ROBO2: variants seen among roughly 807,000 people sequenced by gnomAD.
The protein encoded by ROBO2 is roundabout guidance receptor 2.
ROBO2 carries 53 observed loss-of-function variants against 160.8 expected under a neutral mutation model. That is an observed-to-expected ratio of 0.33 (90% confidence interval 0.26 to 0.41). The LOEUF is 0.41. Ranked by LOEUF, ROBO2 falls within the 10% of genes least tolerant of loss-of-function variation. The probability of loss-of-function intolerance (pLI) is 1.00; values close to 1 mark genes in which losing one functional copy is unlikely to be tolerated. For synonymous variants in ROBO2, 664 were observed against 611.7 expected, an observed-to-expected ratio of 1.09 and a Z score of -1.26; for missense variants, 1,577 against 1,722.4, an observed-to-expected ratio of 0.92 and a Z score of 1.49.
At position 76,133,618 on chromosome 3, in the gene ROBO2, G is replaced by A. The variant is rs1030950820; in HGVS notation, c.109+196016G>A. On this transcript the variant is annotated intron_variant, in intron 2 of 26. Coordinates refer to the ROBO2 transcript ENST00000487694. ...ACAGTGCAGCCTTCAGTGTGTGGCC[G>A]AAGACCCGACAGCCTCTGGCAAATC... Among the ~76,000 whole-genome samples the A allele has an allele frequency of 5.3e-5, 8 of 152,156 alleles. No homozygotes were observed. In the East Asian group the frequency reaches 1.2e-3, roughly 22 times the overall value.
intron 2 of ROBO2, among the ~76,000 whole-genome samples, chr3:76,202,863 G>A (rs1284219514): frequency 1.3e-5 from 2 of 151,218 alleles, no homozygotes; most frequent in African/African-American, 4.9e-5. Context: ...AAGTCTACCA[G>A]TTGACTTGTT....
intron 2 of ROBO2, chr3:75,964,947 A>T (rs563840661): frequency 6.6e-6 from 1 of 151,344 alleles, no homozygotes; most frequent in Non-Finnish European, 1.5e-5. Flanking sequence ...CCAACTGTCA[A>T]TTTATTTATT....
At chr3:77,010,466 T>C (rs1466293219) in intron 2 of ROBO2, among the ~76,000 whole-genome samples, 2 of 152,168 alleles carry the variant, frequency 1.3e-5, no homozygotes, top group African/African-American at 4.8e-5. Context: ...GCCACCTCTT[T>C]ATAAATGACC....
chr3:77,454,385 G>A (rs1036623760), intron 2 of ROBO2, among the ~76,000 whole-genome samples: 16 of 152,048 alleles, frequency 1.1e-4, no homozygotes, highest in African/African-American at 3.4e-4. Context: ...AGTCATATAG[G>A]TCATGCCCTT....
intron 2 of ROBO2, among the ~76,000 whole-genome samples, chr3:77,384,566 A>G (rs1457266691): frequency 6.6e-6 from 1 of 152,182 alleles, no homozygotes; most frequent in Non-Finnish European, 1.5e-5. Flanking sequence ...TGAGAAGATT[A>G]TGTGTGGCTT....
intron 2 of ROBO2, among the ~76,000 whole-genome samples, chr3:76,513,487 G>C (rs576087652): frequency 1.4e-4 from 22 of 152,298 alleles, no homozygotes; most frequent in Admixed American, 1.1e-3. Flanking sequence ...CCCCTGAGCA[G>C]CTGGTCTACA....
intron 1 of ROBO2, among the ~76,000 whole-genome samples, chr3:77,075,382 T>C (rs185217634): frequency 8.8e-4 from 134 of 152,218 alleles, no homozygotes; most frequent in African/African-American, 3.1e-3. Context: ...AGTAATGTGT[T>C]CCCTCTGTCA....
intron 2 of ROBO2, among the ~76,000 whole-genome samples, chr3:75,977,707 A>T (rs1287285052): frequency 6.6e-6 from 1 of 151,522 alleles, no homozygotes; most frequent in African/African-American, 2.4e-5. Context: ...ATTGATACAT[A>T]CACATCAGCA....
At chr3:77,550,475 A>G (rs2092877494) in intron 7 of ROBO2, among the ~76,000 whole-genome samples, 1 of 152,068 alleles carries the variant, frequency 6.6e-6, no homozygotes, top group African/African-American at 2.4e-5. Flanking sequence ...TGAGTCAGAT[A>G]AGAATTGTTT....
chr3:77,627,485 A>G (rs775854347), intron 23 of ROBO2, among the ~76,000 whole-genome samples: 6 of 151,342 alleles, frequency 4.0e-5, no homozygotes, highest in Non-Finnish European at 7.4e-5. Context: ...GGGTTTCACC[A>G]TGTTGGCCAA....
chr3:76,181,636 A>G (rs1348659084), intron 2 of ROBO2, among the ~76,000 whole-genome samples: 2 of 152,152 alleles, frequency 1.3e-5, no homozygotes, highest in Admixed American at 1.3e-4. Flanking sequence ...AATAATTACT[A>G]AGATTCCACT....
chr3:76,982,756 C>T (rs1190182379), intron 2 of ROBO2, among the ~76,000 whole-genome samples: 7 of 152,226 alleles, frequency 4.6e-5, no homozygotes, highest in African/African-American at 1.7e-4. Context: ...GACTTCTATA[C>T]ATTAAAATAC....
intron 2 of ROBO2, among the ~76,000 whole-genome samples, chr3:75,994,857 C>G (rs2065680064): frequency 6.6e-6 from 1 of 152,046 alleles, no homozygotes; most frequent in Non-Finnish European, 1.5e-5. Context: ...ATGTTGATAG[C>G]AATATGGACA....
intron 2 of ROBO2, among the ~76,000 whole-genome samples, chr3:76,309,049 C>T (rs2071450904): frequency 6.6e-6 from 1 of 151,892 alleles, no homozygotes; most frequent in African/African-American, 2.4e-5. Context: ...AGGGCCAAGA[C>T]ATTTTTTTTT....
chr3:76,441,587 C>G (rs72900530), intron 2 of ROBO2, among the ~76,000 whole-genome samples: 265 of 152,260 alleles, frequency 1.7e-3, no homozygotes, highest in African/African-American at 6.2e-3. Context: ...TATTAAGTTC[C>G]TTTGTTGTTA....
In ROBO2 at chr3:76,746,282, C is replaced by T. The variant is rs541526877; in HGVS notation, c.110-351732C>T. Among the ~76,000 whole-genome samples, 19 of 151,688 alleles carry T rather than the reference C, an allele frequency of 1.3e-4. No individual in the cohort carries two copies. In the East Asian group the frequency reaches 1.4e-3, roughly 11 times the overall value. The stretch of plus-strand genomic sequence containing the variant: ...AAGTCTTTGCTATCGTGAATAGTGC[C>T]GCAATAAACATACGTGTGCGTGTGT... On this transcript the variant is annotated intron_variant, in intron 2 of 26. Coordinates refer to the ROBO2 transcript ENST00000487694.
chr3:76,931,271 C>A (rs960530579), intron 2 of ROBO2, among the ~76,000 whole-genome samples: 4 of 151,882 alleles, frequency 2.6e-5, no homozygotes, highest in African/African-American at 7.3e-5. Context: ...TAACTTTAAG[C>A]CAATTAAGTA....
At chr3:76,272,406 T>G (rs1415096129) in intron 2 of ROBO2, among the ~76,000 whole-genome samples, 1 of 152,026 alleles carries the variant, frequency 6.6e-6, no homozygotes, top group Non-Finnish European at 1.5e-5. Context: ...GGCTCATGCC[T>G]GTAATTCCAG....
intron 2 of ROBO2, among the ~76,000 whole-genome samples, chr3:76,586,686 C>A (rs560687527): frequency 1.3e-5 from 2 of 152,298 alleles, no homozygotes; most frequent in Admixed American, 6.5e-5. Context: ...CCATATTGCA[C>A]AACATAGTAT....
Sources: gnomAD v4.1 joint callset for allele counts (sites outside exome capture counted in the v4.1 genomes callset) on GRCh38, gnomAD v4.1.1 for gene constraint, MANE v1.5 for transcripts, NCBI Gene and HGNC (gene_info 2026-07-23, HGNC 2026-07-21) for gene names.